Variants in TUFM observed in about 807,000 individuals in gnomAD.
TUFM encodes the protein Tu translation elongation factor, mitochondrial, also known as elongation factor Tu, mitochondrial.
Under a neutral mutation model 45.0 loss-of-function variants are expected in TUFM, and 23 were observed. The observed-to-expected ratio is 0.51, with a 90% CI of 0.37 to 0.72. The LOEUF (loss-of-function observed/expected upper bound fraction) is 0.72. Ranked by LOEUF, TUFM falls within the 30% of genes least tolerant of loss-of-function variation. TUFM has a pLI of 0.00. For missense variants in TUFM, 490 were observed against 610.7 expected, an observed-to-expected ratio of 0.80 and a Z score of 2.08; for synonymous variants, 243 against 252.9, an observed-to-expected ratio of 0.96 and a Z score of 0.37.
rs147419027 is a variant in TUFM at position 28,846,317 on chromosome 16, CAGA to C, written c.-51_-49del. The C allele has an allele frequency of 5.1e-4, 791 of 1,540,588 alleles. 10 individuals are homozygous for C. The East Asian group carries it at 0.016, about 31-fold the overall frequency. ...AGCCGGGACCAGGAGCCCGAGCGCA[CAGA>C]AGAAGAAGGGCGCCTGCGGCTGGAA... On this transcript the variant is annotated 5_prime_UTR_variant, in exon 1 of 10. Transcript: ENST00000313511.
intron 9 of TUFM, 55 bp from the exon 10 acceptor site, chr16:28,843,203 A>C: frequency 6.2e-7 from 1 of 1,601,302 alleles, no homozygotes; most frequent in East Asian, 2.2e-5. Flanking sequence ...TCATTCCTTA[A>C]GTCTTTTTTG....
chr16:28,845,152 T>C (rs1961906830), intron 3 of TUFM, 97 bp from the exon 4 acceptor site: 1 of 1,561,284 alleles, frequency 6.4e-7, no homozygotes, highest in African/African-American at 1.4e-5. Context: ...AGGCCCACCT[T>C]TCTCTACCAT....
chr16:28,844,990 G>A lies in TUFM; in HGVS notation c.480C>T (p.Pro160=). ...ATAAGTGCTCTCGGGTCTGGGGCATGGGGCCGTCATTGGCTGCTACCACCA... is the reference window on the plus strand; with the variant it reads ...ATAAGTGCTCTCGGGTCTGGGGCATAGGGCCGTCATTGGCTGCTACCACCA... The part of the protein sequence containing the change: ...CILVVAANDG[P]MPQTREHLLL... The change falls in exon 4 of 10, where the codon CCC becomes CCT. Residue 160 remains proline (P), a synonymous_variant. Coordinates refer to ENST00000313511, the MANE Select transcript of TUFM (RefSeq NM_003321.5). This position sits in a 1 kb window ranked among gnomAD's most constrained non-coding sequence, Gnocchi z 5.8. 3 of 1,614,168 alleles carry A rather than the reference G, an allele frequency of 1.9e-6. No homozygotes were observed. The African/African-American group carries it at 4.0e-5, about 22-fold the overall frequency.
rs1260784433 is a variant in TUFM at position 28,843,804 on chromosome 16, G to A, written c.1126C>T (p.His376Tyr). 2 of 1,614,028 alleles carry A rather than the reference G, an allele frequency of 1.2e-6. No individual in the cohort carries two copies. Among genetic ancestry groups the A allele is most frequent in the Admixed American group, 1.7e-5 (1 of 60,004 alleles). The change falls in exon 9 of 10, where the codon CAC becomes TAC. Residue 376 changes from histidine (H) to tyrosine (Y), a missense_variant. Transcript: ENST00000313511. Reference protein sequence around the residue: ...EGGRHKPFVSHFMPVMFSLTW... With the variant: ...EGGRHKPFVSYFMPVMFSLTW... The stretch of plus-strand genomic sequence containing the variant: ...AGGGAGAACATGACAGGCATGAAGT[G>A]GGACACAAAGGGCTTGTGGCGGCCA...
At position 28,844,369 on chromosome 16, in the gene TUFM, G is replaced by A. The variant is rs770777126; in HGVS notation, c.818-35C>T. The A allele has an allele frequency of 2.0e-5, 32 of 1,614,058 alleles. No individual in the cohort carries two copies. The highest frequency in any genetic ancestry group is 1.0e-4 in the Admixed American group (6 of 59,994). On this transcript the variant is annotated intron_variant, in intron 6 of 9. Coordinates refer to ENST00000313511, the MANE Select transcript of TUFM (RefSeq NM_003321.5). The surrounding 1 kb of genome is among the most constrained non-coding windows in gnomAD (Gnocchi z 5.8). ...AATAAGACAGGATATCAGGGACCCC[G>A]AGCTAGGCTTCTGCTAGAGAGAGTG...
chr16:28,843,438 T>C (rs1961851047), intron 9 of TUFM, among the ~76,000 whole-genome samples: 1 of 152,190 alleles, frequency 6.6e-6, no homozygotes, highest in African/African-American at 2.4e-5. Context: ...TTCTTAAGCC[T>C]TCATATATAA....
chr16:28,843,174 C>G (rs139550011), intron 9 of TUFM, 26 bp from the exon 10 acceptor site: 4 of 1,613,894 alleles, frequency 2.5e-6, no homozygotes, highest in Middle Eastern at 1.6e-4. Flanking sequence ...AAGGATCATG[C>G]GTGGCCTCCA....
At position 28,844,362 on chromosome 16, in the gene TUFM, G is replaced by T; in HGVS notation, c.818-28C>A. ...GGGAGGGAATAAGACAGGATATCAGGGACCCCGAGCTAGGCTTCTGCTAGA... is the reference window on the plus strand; with the variant it reads ...GGGAGGGAATAAGACAGGATATCAGTGACCCCGAGCTAGGCTTCTGCTAGA... On this transcript the variant is annotated intron_variant, in intron 6 of 9. Coordinates refer to ENST00000313511, the MANE Select transcript of TUFM (RefSeq NM_003321.5). This position sits in a 1 kb window ranked among gnomAD's most constrained non-coding sequence, Gnocchi z 5.8. 1 of 1,614,102 alleles carries T rather than the reference G, an allele frequency of 6.2e-7. No individual in the cohort carries two copies. Among genetic ancestry groups the T allele is most frequent in the Non-Finnish European group, 8.5e-7 (1 of 1,180,018 alleles).
Position 28,843,046 on chromosome 16 carries a change from T to C in TUFM, c.1297A>G (p.Thr433Ala). 1 of 1,614,182 alleles carries C rather than the reference T, an allele frequency of 6.2e-7. No individual in the cohort carries two copies. Among genetic ancestry groups the C allele is most frequent in the Non-Finnish European group, 8.5e-7 (1 of 1,180,034 alleles). Residue 433 changes from threonine to alanine, a missense_variant, in exon 10 of 10, where the codon ACT becomes GCT. Coordinates refer to ENST00000313511, the MANE Select transcript of TUFM (RefSeq NM_003321.5). ...TTGGTGACTAGACCGGTGCCAATAGTCCGGTTGCCATCTCGCAGGGTGAAA... is the reference window on the plus strand; with the variant it reads ...TTGGTGACTAGACCGGTGCCAATAGCCCGGTTGCCATCTCGCAGGGTGAAA... Reference protein sequence around the residue: ...QRFTLRDGNRTIGTGLVTNTL... With the variant: ...QRFTLRDGNRAIGTGLVTNTL...
chr16:28,843,146 C>T lies in TUFM; in HGVS notation c.1197G>A (p.Glu399=). The T allele has an allele frequency of 1.2e-6, 2 of 1,614,212 alleles. No homozygotes were observed. Among genetic ancestry groups the T allele is most frequent in the Non-Finnish European group, 1.7e-6 (2 of 1,180,032 alleles). The change falls in exon 10 of 10, where the codon GAG becomes GAA. Residue 399 remains glutamate, a splice_region_variant and synonymous_variant. Coordinates refer to ENST00000313511, the MANE Select transcript of TUFM (RefSeq NM_003321.5). ...ACRIILPPEK[E]LAMPGEDLKF... is the part of the protein sequence containing the mutation. ...TCAGGTCCTCCCCGGGCATGGCAAG[C>T]TCCTAGAGTAGGAAGAGAAGGATCA...
At position 28,843,931 on chromosome 16, in the gene TUFM, C is replaced by T. The variant is rs548287959; in HGVS notation, c.1074+19G>A. The stretch of plus-strand genomic sequence containing the variant: ...GAGAGCTTGGCTCAACCCTGCCCAC[C>T]GTCACCTGGAGCCCTCACCTGGGCC... On this transcript the variant is annotated intron_variant, in intron 8 of 9. Transcript: ENST00000313511. 4.8e-5 allele frequency: 77 copies of T among 1,614,026 alleles called. No homozygotes were observed. The highest frequency in any genetic ancestry group is 4.5e-4 in the East Asian group (20 of 44,862).
chr16:28,844,224 C>G lies in TUFM; in HGVS notation c.922+6G>C. 1.2e-6 allele frequency: 2 copies of G among 1,614,170 alleles called. No individual in the cohort carries two copies. The highest frequency in any genetic ancestry group is 1.7e-6 in the Non-Finnish European group (2 of 1,180,016). On this transcript the variant is annotated splice_donor_region_variant and intron_variant, in intron 7 of 9. Transcript: ENST00000313511. This position sits in a 1 kb window ranked among gnomAD's most constrained non-coding sequence, Gnocchi z 5.8. ...AGGCCCTGCTCTCCAGACTGGCTTC[C>G]CAAACCTGTCACCACAGTGCGGATG...
chr16:28,844,875 G>A lies in TUFM; in HGVS notation c.520-13C>T, dbSNP rs115691896. The A allele has an allele frequency of 3.1e-6, 5 of 1,614,176 alleles. No homozygotes were observed. Among genetic ancestry groups the A allele is most frequent in the Non-Finnish European group, 4.2e-6 (5 of 1,180,032 alleles). On this transcript the variant is annotated splice_polypyrimidine_tract_variant and intron_variant, in intron 4 of 9. Coordinates refer to ENST00000313511, the MANE Select transcript of TUFM (RefSeq NM_003321.5). The surrounding 1 kb of genome is among the most constrained non-coding windows in gnomAD (Gnocchi z 5.8). Reference sequence around the variant, plus strand: ...GCTCCACCCCAATCTGTAGATGCCAGAGAGACAGGGACAATATACAGAGGG... The same window carrying A: ...GCTCCACCCCAATCTGTAGATGCCAAAGAGACAGGGACAATATACAGAGGG...
rs928465803 is a variant in TUFM at position 28,845,902 on chromosome 16, C to A, written c.247+10G>T. 6.2e-7 allele frequency: 1 copy of A among 1,613,528 alleles called. No individual in the cohort carries two copies. The highest frequency in any genetic ancestry group is 1.3e-5 in the African/African-American group (1 of 75,038). On this transcript the variant is annotated intron_variant, in intron 2 of 9. Coordinates refer to ENST00000313511, the MANE Select transcript of TUFM (RefSeq NM_003321.5). ...GATAGGGCGCTGCTGGACGCCCCAACCCCACTCACTCTTCGTGATGGCTGC... is the reference window on the plus strand; with the variant it reads ...GATAGGGCGCTGCTGGACGCCCCAAACCCACTCACTCTTCGTGATGGCTGC...
In TUFM at chr16:28,844,129, GAGA is replaced by G; in HGVS notation, c.923-31_923-29del. 6.2e-7 allele frequency: 1 copy of G among 1,614,206 alleles called. No homozygotes were observed. Among genetic ancestry groups the G allele is most frequent in the South Asian group, 1.1e-5 (1 of 91,088 alleles). On this transcript the variant is annotated intron_variant, in intron 7 of 9. Coordinates refer to ENST00000313511, the MANE Select transcript of TUFM (RefSeq NM_003321.5). The surrounding 1 kb of genome is among the most constrained non-coding windows in gnomAD (Gnocchi z 5.8). ...AGGACGGAAAGGGAAAAGGAGCAGGGAGAAGGAAGGCGAATGTGAGACAGAGGG... is the reference window on the plus strand; with the variant it reads ...AGGACGGAAAGGGAAAAGGAGCAGGGAGGAAGGCGAATGTGAGACAGAGGG...
At position 28,842,414 on chromosome 16, in the gene TUFM, T is replaced by A. The variant is rs184878749; in HGVS notation, c.*561A>T. ...ATAACTTCACTGAGAAATCAAAAAA[T>A]TTGTGACCTGCTTTATTGTGGTAGT... On this transcript the variant is annotated 3_prime_UTR_variant, in exon 10 of 10. Coordinates refer to ENST00000313511, the MANE Select transcript of TUFM (RefSeq NM_003321.5). 725 of 175,764 alleles carry A rather than the reference T, an allele frequency of 4.1e-3. 5 individuals carry two copies. Among genetic ancestry groups the A allele is most frequent in the Middle Eastern group, 8.2e-3 (3 of 364 alleles). The allele number at this position is 175,764 out of a possible 1,614,324, so 10.9% of individuals were successfully genotyped here.
chr16:28,844,724 C>T lies in TUFM; in HGVS notation c.658G>A (p.Val220Ile). Residue 220 changes from valine to isoleucine, a missense_variant, in exon 5 of 10, where the codon GTA becomes ATA. Val to Ile is a conservative substitution (Grantham distance 29). Transcript: ENST00000313511. This position sits in a 1 kb window ranked among gnomAD's most constrained non-coding sequence, Gnocchi z 5.8. ...GYKGEETPVI[V>I]GSALCALEGR... ...TCAAGGGCACAGAGAGCAGAGCCTA[C>T]GATGACTGGGGTCTCCTCCCCTTTA... The T allele has an allele frequency of 2.5e-6, 4 of 1,614,180 alleles. No individual in the cohort carries two copies. Among genetic ancestry groups the T allele is most frequent in the East Asian group, 2.2e-5 (1 of 44,888 alleles).
chr16:28,843,981 G>C lies in TUFM; in HGVS notation c.1043C>G (p.Ser348Cys). 1 of 1,614,138 alleles carries C rather than the reference G, an allele frequency of 6.2e-7. No homozygotes were observed. Among genetic ancestry groups the C allele is most frequent in the Non-Finnish European group, 8.5e-7 (1 of 1,180,014 alleles). The change falls in exon 8 of 10, where the codon TCC (serine) becomes TGC (cysteine). Residue 348 changes from serine to cysteine, a missense_variant. Coordinates refer to ENST00000313511, the MANE Select transcript of TUFM (RefSeq NM_003321.5). Reference protein sequence around the residue: ...RRGLVMVKPGSIKPHQKVEAQ... With the variant: ...RRGLVMVKPGCIKPHQKVEAQ... ...CTCCACCTTCTGGTGGGGCTTGATGGAACCTGGCTTGACCATGACCAGGCC... is the reference window on the plus strand; with the variant it reads ...CTCCACCTTCTGGTGGGGCTTGATGCAACCTGGCTTGACCATGACCAGGCC...
rs372032229 is a variant in TUFM at position 28,843,932 on chromosome 16, G to A, written c.1074+18C>T. On this transcript the variant is annotated intron_variant, in intron 8 of 9. Transcript: ENST00000313511. ...AGAGCTTGGCTCAACCCTGCCCACC[G>A]TCACCTGGAGCCCTCACCTGGGCCT... The A allele has an allele frequency of 1.7e-5, 27 of 1,613,994 alleles. No homozygotes were observed. Among genetic ancestry groups the A allele is most frequent in the African/African-American group, 5.3e-5 (4 of 74,894 alleles).
Sources: gnomAD v4.1 joint callset for allele counts (sites outside exome capture counted in the v4.1 genomes callset) on GRCh38, gnomAD v4.1.1 for gene constraint, Gnocchi (gnomAD v3.1) non-coding constraint, MANE v1.5 for transcripts, NCBI Gene and HGNC (gene_info 2026-07-23, HGNC 2026-07-21) for gene names.